Variants in ADAM2 observed in about 807,000 individuals in gnomAD.
ADAM2 encodes the protein disintegrin and metalloproteinase domain-containing protein 2.
ADAM2 carries 101 observed loss-of-function variants against 99.3 expected under a neutral mutation model. The ratio of observed to expected loss-of-function variants is 1.02; its 90% confidence interval spans 0.87 to 1.20. The LOEUF (loss-of-function observed/expected upper bound fraction) is 1.20, where lower values mean the gene tolerates loss of function less well. Ranked by LOEUF, ADAM2 falls within the 50% of genes most tolerant of loss-of-function variation. The pLI, the probability that ADAM2 is intolerant of heterozygous loss-of-function variation, is 0.00. For missense variants in ADAM2, 948 were observed against 878.7 expected (o/e 1.08, Z -1.00); for synonymous variants, 323 against 287.6 (o/e 1.12, Z -1.25).
chr8:39,759,214 A>T (rs1295821120), intron 15 of ADAM2, among the ~76,000 whole-genome samples: 1 of 152,138 alleles, frequency 6.6e-6, no homozygotes, highest in African/African-American at 2.4e-5. Context: ...ATGTACCTTT[A>T]AAAAAATCCA....
At chr8:39,830,937 T>TA (rs1179136144) in intron 3 of ADAM2, among the ~76,000 whole-genome samples, 1 of 152,136 alleles carries the variant, frequency 6.6e-6, no homozygotes, top group Non-Finnish European at 1.5e-5. Context: ...TTAGTGTCCT[T>TA]ATGAAAGAGA....
chr8:39,746,410 T>A, intron 19 of ADAM2, 62 bp downstream of exon 19: 4 of 1,109,626 alleles, frequency 3.6e-6, no homozygotes, highest in Non-Finnish European at 5.1e-6. Flanking sequence ...ATCGACCACA[T>A]TGCTATTTAC....
At chr8:39,810,080 T>C (rs1005397138) in intron 6 of ADAM2, among the ~76,000 whole-genome samples, 3 of 152,032 alleles carry the variant, frequency 2.0e-5, no homozygotes, top group Non-Finnish European at 4.4e-5. Context: ...AATAAAGGGA[T>C]GTAGGAAGAC....
At chr8:39,759,920 G>T (rs555449595) in intron 15 of ADAM2, among the ~76,000 whole-genome samples, 70 of 152,228 alleles carry the variant, frequency 4.6e-4, no homozygotes, top group African/African-American at 1.5e-3. Flanking sequence ...AGGCTGGACT[G>T]CAGTGGCGCG....
intron 15 of ADAM2, among the ~76,000 whole-genome samples, chr8:39,757,038 A>C (rs1022551025): frequency 5.3e-5 from 8 of 152,208 alleles, no homozygotes; most frequent in African/African-American, 1.9e-4. Context: ...TTCATATATA[A>C]GATTAAGATA....
chr8:39,836,549 A>C (rs998594839), intron 2 of ADAM2, among the ~76,000 whole-genome samples: 2 of 152,158 alleles, frequency 1.3e-5, no homozygotes, highest in African/African-American at 4.8e-5. Context: ...AAAAAAAAAA[A>C]ATTGATGTCT....
intron 3 of ADAM2, among the ~76,000 whole-genome samples, chr8:39,825,351 C>G (rs1056347473): frequency 8.5e-5 from 13 of 152,064 alleles, no homozygotes; most frequent in African/African-American, 3.1e-4. Flanking sequence ...CATATATTAC[C>G]TTCTCACATT....
chr8:39,824,706 T>G (rs571110640), intron 4 of ADAM2, 113 bp downstream of exon 4: 1 of 678,948 alleles, frequency 1.5e-6, no homozygotes, highest in Non-Finnish European at 2.6e-6. Context: ...AACATTAAAC[T>G]TATGCCAAGA....
intron 11 of ADAM2, among the ~76,000 whole-genome samples, chr8:39,770,763 C>T (rs112827100): frequency 8.5e-5 from 13 of 152,286 alleles, no homozygotes; most frequent in African/African-American, 3.1e-4. Flanking sequence ...TGCCTAGTTG[C>T]TCAGGACAGA....
intron 7 of ADAM2, among the ~76,000 whole-genome samples, chr8:39,801,395 C>T (rs1184942857): frequency 1.3e-5 from 2 of 152,188 alleles, no homozygotes; most frequent in East Asian, 3.9e-4. Context: ...CCTTCTCCTT[C>T]TTCTGGGACC....
At chr8:39,787,913 T>C (rs1803541694) in intron 9 of ADAM2, among the ~76,000 whole-genome samples, 172 bp downstream of exon 9, 1 of 151,746 alleles carries the variant, frequency 6.6e-6, no homozygotes, top group Non-Finnish European at 1.5e-5. Flanking sequence ...AACCAATAAA[T>C]AAATTGATAT....
At chr8:39,789,796 C>G (rs781456145) in intron 7 of ADAM2, among the ~76,000 whole-genome samples, 1 of 150,742 alleles carries the variant, frequency 6.6e-6, no homozygotes, top group Non-Finnish European at 1.5e-5. Flanking sequence ...ATATATATCC[C>G]ATAAAGATCT....
rs765708641 is a variant in ADAM2, at chr8:39,751,882, G to A, written c.1798-2138C>T. On this transcript the variant is annotated intron_variant, in intron 16 of 20. Transcript: ENST00000265708. The stretch of plus-strand genomic sequence containing the variant: ...GGGTCTCACTCTGTTGCCCAGGCTG[G>A]AGTGCAGTGGCTTGGTCTCAGCTCA... Among the ~76,000 whole-genome samples, 247 of 151,924 alleles carry A rather than the reference G, an allele frequency of 1.6e-3. 1 individual carries two copies. The highest frequency in any genetic ancestry group is 2.7e-3 in the Non-Finnish European group (183 of 67,972).
Position 39,744,851 on chromosome 8 carries a change from T to C in ADAM2, c.*9A>G. 1.3e-6 allele frequency: 2 copies of C among 1,597,908 alleles called. No homozygotes were observed. The highest frequency in any genetic ancestry group is 1.7e-6 in the Non-Finnish European group (2 of 1,173,268). On this transcript the variant is annotated 3_prime_UTR_variant, in exon 20 of 21. Transcript: ENST00000265708. The stretch of plus-strand genomic sequence containing the variant: ...TCACAGTGATATCATGGCATCTCTG[T>C]TGTCCAGACTACCCTTTAGGTTCAC...
chr8:39,765,856 C>A (rs1382763899), intron 14 of ADAM2, among the ~76,000 whole-genome samples: 2 of 152,198 alleles, frequency 1.3e-5, no homozygotes, highest in Non-Finnish European at 2.9e-5. Context: ...TAGAGTTAGA[C>A]TTGCAACTTG....
intron 10 of ADAM2, among the ~76,000 whole-genome samples, chr8:39,780,921 A>T (rs1803196617): frequency 6.6e-6 from 1 of 152,042 alleles, no homozygotes; most frequent in Non-Finnish European, 1.5e-5. Flanking sequence ...TTTGCCTTTT[A>T]CAGTTGAAAC....
At chr8:39,788,409 A>C (rs980572868) in intron 8 of ADAM2, among the ~76,000 whole-genome samples, 158 bp from the exon 9 acceptor site, 6 of 151,838 alleles carry the variant, frequency 4.0e-5, no homozygotes, top group East Asian at 1.9e-4. Flanking sequence ...AATGTTACTA[A>C]TAATAAAAGT....
chr8:39,745,919 G>C (rs1823423557), intron 19 of ADAM2, among the ~76,000 whole-genome samples: 1 of 151,864 alleles, frequency 6.6e-6, no homozygotes, highest in Non-Finnish European at 1.5e-5. Context: ...AGCTAATCTT[G>C]CCCCTAAAAA....
At chr8:39,766,553 A>G (rs974849393) in intron 14 of ADAM2, among the ~76,000 whole-genome samples, 26 of 151,238 alleles carry the variant, frequency 1.7e-4, no homozygotes, top group African/African-American at 5.6e-4. Context: ...GATTACAGGC[A>G]TGTGCCACCA....
Sources: gnomAD v4.1 joint callset for allele counts (sites outside exome capture counted in the v4.1 genomes callset) on GRCh38, gnomAD v4.1.1 for gene constraint, MANE v1.5 for transcripts, NCBI Gene and HGNC (gene_info 2026-07-23, HGNC 2026-07-21) for gene names.